Variants in ZNF775 observed in about 807,000 individuals in gnomAD.
ZNF775 encodes the protein zinc finger protein 775.
ZNF775 carries 1 observed loss-of-function variant against 2.4 expected under a neutral mutation model. The ratio of observed to expected loss-of-function variants is 0.41; its 90% confidence interval spans 0.15 to 1.94. The LOEUF is 1.94. ZNF775 is among the 30% of genes most tolerant of loss of function. The probability of loss-of-function intolerance (pLI) is 0.30; values close to 1 mark genes in which losing one functional copy is unlikely to be tolerated. For missense variants in ZNF775, 823 were observed against 826.6 expected, an observed-to-expected ratio of 1.00 and a Z score of 0.05; for synonymous variants, 381 against 373.3, an observed-to-expected ratio of 1.02 and a Z score of -0.24.
At chr7:150,388,716 G>T (rs1392953296) in intron 2 of ZNF775, among the ~76,000 whole-genome samples, 1 of 152,228 alleles carries the variant, frequency 6.6e-6, no homozygotes, top group Non-Finnish European at 1.5e-5. Flanking sequence ...AAATGGCAAA[G>T]CCTGGTCCAT....
rs1256670662 is a variant in ZNF775 at position 150,397,653 on chromosome 7, C to T, written c.1172C>T (p.Ala391Val). ...LRAHQRAHAVAEPAVPAGEPG... is the reference protein window; with the variant it reads ...LRAHQRAHAVVEPAVPAGEPG... ...GCCCACCAGCGCGCCCACGCTGTCG[C>T]TGAGCCCGCCGTTCCGGCCGGGGAA... The change falls in exon 3 of 3, where the codon GCT becomes GTT. Residue 391 changes from alanine (A) to valine (V), a missense_variant. Transcript: ENST00000329630. 2.3e-6 allele frequency: 3 copies of T among 1,319,716 alleles called. No individual in the cohort carries two copies. In the African/African-American group the frequency reaches 4.8e-5, roughly 21 times the overall value. 81.8% of individuals were successfully genotyped at this position (1,319,716 alleles called of 1,614,324 possible).
chr7:150,389,132 C>T (rs1239420257), intron 2 of ZNF775, among the ~76,000 whole-genome samples: 1 of 152,230 alleles, frequency 6.6e-6, no homozygotes, highest in Non-Finnish European at 1.5e-5. Context: ...TCGCATGTGG[C>T]GTGTGGCCCA....
At chr7:150,393,239 T>C (rs777473964) in intron 2 of ZNF775, among the ~76,000 whole-genome samples, 2 of 152,190 alleles carry the variant, frequency 1.3e-5, no homozygotes, top group Non-Finnish European at 2.9e-5. Flanking sequence ...ATACAGTGTG[T>C]AGCCTTTTAT....
intron 2 of ZNF775, among the ~76,000 whole-genome samples, chr7:150,391,498 ACT>A (rs919179305): frequency 3.3e-5 from 5 of 152,042 alleles, no homozygotes; most frequent in South Asian, 2.1e-4. Flanking sequence ...ACTGAGGGAG[ACT>A]CTGTCTCAAA....
chr7:150,379,352 C>T lies in ZNF775; in HGVS notation c.-90C>T, dbSNP rs760338350. 2.0e-5 allele frequency: 3 copies of T among 152,218 alleles called. No individual in the cohort carries two copies. The highest frequency in any genetic ancestry group is 4.4e-5 in the Non-Finnish European group (3 of 68,038). 9.4% of individuals were successfully genotyped at this position (152,218 alleles called of 1,614,324 possible). ...GGGAGCCCGGTGCCCAAGTCGCCCT[C>T]GGGGTGGCAGTTCCCGTTAACCTTA... On this transcript the variant is annotated 5_prime_UTR_variant, in exon 1 of 3. Coordinates refer to ENST00000329630, the MANE Select transcript of ZNF775 (RefSeq NM_173680.4).
intron 2 of ZNF775, among the ~76,000 whole-genome samples, chr7:150,394,928 C>A (rs1436525384): frequency 6.6e-6 from 1 of 152,154 alleles, no homozygotes; most frequent in Non-Finnish European, 1.5e-5. Flanking sequence ...AACCTTTTGC[C>A]CACTTCCATT....
chr7:150,396,914 A>C lies in ZNF775; in HGVS notation c.433A>C (p.Ser145Arg), dbSNP rs759029217. ...YLCGKCGKSF[S>R]QKPNLARHQR... ...CTGCGGCAAGTGCGGCAAGAGCTTC[A>C]GCCAGAAGCCGAACCTGGCGCGCCA... is the stretch of plus-strand genomic sequence containing the variant. The change falls in exon 3 of 3, where the codon AGC becomes CGC. Residue 145 changes from serine (S) to arginine (R), a missense_variant. Coordinates refer to ENST00000329630, the MANE Select transcript of ZNF775 (RefSeq NM_173680.4). 6.2e-7 allele frequency: 1 copy of C among 1,602,146 alleles called. No individual in the cohort carries two copies. Among genetic ancestry groups the C allele is most frequent in the Non-Finnish European group, 8.5e-7 (1 of 1,179,706 alleles).
chr7:150,396,553 G>GC lies in ZNF775; in HGVS notation c.73dup (p.Arg25ProfsTer55). ...TGAAGGTCAAGCAGGAGAAGCCGGA[G>GC]CGGCTGCTGCAGACGCTGGCGCCGC... On this transcript the variant is annotated frameshift_variant, in exon 3 of 3. Transcript: ENST00000329630. LOFTEE classifies it low-confidence loss of function (END_TRUNC). 4.4e-6 allele frequency: 7 copies of GC among 1,603,986 alleles called. No homozygotes were observed. In the Admixed American group the frequency reaches 1.2e-4, roughly 27 times the overall value.
At position 150,396,634 on chromosome 7, in the gene ZNF775, C is replaced by G; in HGVS notation, c.153C>G (p.Leu51=). 1 of 1,611,468 alleles carries G rather than the reference C, an allele frequency of 6.2e-7. No individual in the cohort carries two copies. Among genetic ancestry groups the G allele is most frequent in the East Asian group, 2.2e-5 (1 of 44,840 alleles). Residue 51 remains leucine, a synonymous_variant, in exon 3 of 3, where the codon CTC becomes CTG. Coordinates refer to ENST00000329630, the MANE Select transcript of ZNF775 (RefSeq NM_173680.4). ...KENIFQQHRG[L]PPRQTMGRPR... The stretch of plus-strand genomic sequence containing the variant: ...ACATATTTCAGCAGCACCGGGGCCT[C>G]CCGCCACGCCAGACCATGGGGCGGC...
chr7:150,395,032 C>CT (rs5888403), intron 2 of ZNF775, among the ~76,000 whole-genome samples: 66,570 of 151,534 alleles, frequency 0.44, 14,765 homozygotes, highest in Admixed American at 0.49. Flanking sequence ...GGAAAAAGTC[C>CT]TCACTTGAGG....
intron 1 of ZNF775, among the ~76,000 whole-genome samples, chr7:150,387,956 G>C (rs1302228671): frequency 6.6e-6 from 1 of 152,226 alleles, no homozygotes; most frequent in Admixed American, 6.5e-5. Context: ...CTTTGAAAGA[G>C]GGGGCGGGTG....
In ZNF775 at chr7:150,397,987, C is replaced by T. The variant is rs927514242; in HGVS notation, c.1506C>T (p.Tyr502=). The change falls in exon 3 of 3, where the codon TAC becomes TAT. Residue 502 remains tyrosine (Y), a synonymous_variant. Coordinates refer to ENST00000329630, the MANE Select transcript of ZNF775 (RefSeq NM_173680.4). ...HRRNHTGERP[Y]LCPACGRGFS... is the part of the protein sequence containing the mutation. ...GCAACCACACAGGCGAGCGGCCCTACCTGTGTCCCGCCTGCGGCCGCGGCT... is the reference window on the plus strand; with the variant it reads ...GCAACCACACAGGCGAGCGGCCCTATCTGTGTCCCGCCTGCGGCCGCGGCT... 5 of 1,596,732 alleles carry T rather than the reference C, an allele frequency of 3.1e-6. No homozygotes were observed. The African/African-American group carries it at 5.3e-5, about 17-fold the overall frequency.
At position 150,387,496 on chromosome 7, in the gene ZNF775, C is replaced by T. The variant is rs138360854; in HGVS notation, c.-49-926C>T. Among the ~76,000 whole-genome samples the T allele has an allele frequency of 5.7e-3, 863 of 151,720 alleles. 9 individuals carry two copies. Among genetic ancestry groups the T allele is most frequent in the African/African-American group, 0.02 (821 of 41,388 alleles). On this transcript the variant is annotated intron_variant, in intron 1 of 2. Transcript: ENST00000329630. Reference sequence around the variant, plus strand: ...GGCACAGAGTGAGCCACTCAGGAAGCGCTCAGAAGACTTGGGCATAAAAAC... The same window carrying T: ...GGCACAGAGTGAGCCACTCAGGAAGTGCTCAGAAGACTTGGGCATAAAAAC...
chr7:150,384,998 A>C lies in ZNF775; in HGVS notation c.-49-3424A>C, dbSNP rs1270161333. On this transcript the variant is annotated intron_variant, in intron 1 of 2. Coordinates refer to ENST00000329630, the MANE Select transcript of ZNF775 (RefSeq NM_173680.4). The surrounding 1 kb of genome is among the most constrained non-coding windows in gnomAD (Gnocchi z 4.1). ...TCCTCGGTCTGAGTTCCCCTTACCA[A>C]GGTGGCTTCTCTGTCCACTAGCCCC... Among the ~76,000 whole-genome samples the C allele has an allele frequency of 2.0e-5, 3 of 152,170 alleles. No homozygotes were observed. Among genetic ancestry groups the C allele is most frequent in the Non-Finnish European group, 4.4e-5 (3 of 68,024 alleles).
In ZNF775 at chr7:150,397,425, G is replaced by A; in HGVS notation, c.944G>A (p.Gly315Asp). The change falls in exon 3 of 3, where the codon GGC becomes GAC. Residue 315 changes from glycine to aspartate, a missense_variant. By Grantham distance (94) the Gly-to-Asp change is moderately conservative (BLOSUM62 -1). Transcript: ENST00000329630. The part of the protein sequence containing the change: ...GERPYACPEC[G>D]RRFSQKPNLT... Reference sequence around the variant, plus strand: ...CGCCCCTATGCGTGCCCCGAGTGCGGCCGCCGCTTCAGCCAGAAGCCCAAC... The same window carrying A: ...CGCCCCTATGCGTGCCCCGAGTGCGACCGCCGCTTCAGCCAGAAGCCCAAC... 6.3e-7 allele frequency: 1 copy of A among 1,595,522 alleles called. No individual in the cohort carries two copies.
chr7:150,387,311 A>AG (rs1174465584), intron 1 of ZNF775, among the ~76,000 whole-genome samples: 2 of 151,208 alleles, frequency 1.3e-5, no homozygotes, highest in Non-Finnish European at 3.0e-5. Flanking sequence ...AAAAAAAAAA[A>AG]AAGAAGCACA....
At chr7:150,386,723 G>A (rs1800461011) in intron 1 of ZNF775, among the ~76,000 whole-genome samples, 1 of 152,188 alleles carries the variant, frequency 6.6e-6, no homozygotes, top group African/African-American at 2.4e-5. Flanking sequence ...CAGGTGCACG[G>A]GACCACATCC....
intron 2 of ZNF775, among the ~76,000 whole-genome samples, chr7:150,392,027 C>T (rs889045203): frequency 3.3e-5 from 5 of 152,098 alleles, no homozygotes; most frequent in Non-Finnish European, 2.9e-5. Flanking sequence ...ATTCCCATTT[C>T]TATTGGACTT....
In ZNF775 at chr7:150,397,213, G is replaced by A; in HGVS notation, c.732G>A (p.Pro244=). 1 of 1,110,410 alleles carries A rather than the reference G, an allele frequency of 9.0e-7. No homozygotes were observed. The highest frequency in any genetic ancestry group is 1.1e-6 in the Non-Finnish European group (1 of 911,462). The allele number at this position is 1,110,410 out of a possible 1,614,324, so 68.8% of individuals were successfully genotyped here. The change falls in exon 3 of 3, where the codon CCG becomes CCA. Residue 244 remains proline, a synonymous_variant. Coordinates refer to ENST00000329630, the MANE Select transcript of ZNF775 (RefSeq NM_173680.4). ...CCTGTCGCCTGCAGCCGGGGCCGCC[G>A]CGGGGGCGCCCCGAGTGGGCCTGGC... ...RRACRLQPGP[P]RGRPEWAWLG... is the part of the protein sequence containing the mutation.
Sources: gnomAD v4.1 joint callset for allele counts (sites outside exome capture counted in the v4.1 genomes callset) on GRCh38, gnomAD v4.1.1 for gene constraint, Gnocchi (gnomAD v3.1) non-coding constraint, MANE v1.5 for transcripts, NCBI Gene and HGNC (gene_info 2026-07-23, HGNC 2026-07-21) for gene names.